The following INPP5A variants were observed in gnomAD, a reference collection of about 807,000 sequenced individuals.
INPP5A encodes 43 kDa inositol polyphosphate 5-phophatase.
A neutral mutation model predicts 65.2 loss-of-function variants in INPP5A; 14 were observed. The observed-to-expected ratio is 0.21, with a 90% CI of 0.14 to 0.34. The LOEUF (loss-of-function observed/expected upper bound fraction) is 0.34. INPP5A is among the 10% of genes least tolerant of loss of function. The pLI is 1.00. For synonymous variants in INPP5A, 207 were observed against 208.3 expected, an observed-to-expected ratio of 0.99 and a Z score of 0.05; for missense variants, 431 against 545.6, an observed-to-expected ratio of 0.79 and a Z score of 2.09.
At chr10:132,634,357 G>A (rs981468184) in intron 2 of INPP5A, among the ~76,000 whole-genome samples, 10 of 145,522 alleles carry the variant, frequency 6.9e-5, no homozygotes, top group African/African-American at 1.6e-4. Context: ...CCGGAGAGGC[G>A]TATCATCTCC....
Position 132,635,433 on chromosome 10 carries a change from T to C in INPP5A, c.118-10435T>C, listed in dbSNP as rs1394554569. ...TTTTTTGAGACGGAGTCTCGCTCTG[T>C]TGCCCAGGCTGGAGTGCAGTGGCGC... On this transcript the variant is annotated intron_variant, in intron 2 of 15. Transcript: ENST00000368594. Among the ~76,000 whole-genome samples, 13 of 124,706 alleles carry C rather than the reference T, an allele frequency of 1.0e-4. No individual in the cohort carries two copies. The Admixed American group carries it at 1.1e-3, about 10-fold the overall frequency. The allele number at this position is 124,706 out of a possible 152,430, so 81.8% of individuals were successfully genotyped here. A position where few individuals can be genotyped will look rare whatever the true frequency, so the allele number is the denominator to read the frequency against.
At chr10:132,658,699 C>G (rs2072693970) in intron 4 of INPP5A, among the ~76,000 whole-genome samples, 1 of 152,040 alleles carries the variant, frequency 6.6e-6, no homozygotes, top group African/African-American at 2.4e-5. Context: ...TGGGTGGTCT[C>G]TGGGCACGGA....
intron 6 of INPP5A, among the ~76,000 whole-genome samples, chr10:132,699,941 G>A (rs1462378684): frequency 2.6e-5 from 4 of 152,232 alleles, no homozygotes; most frequent in African/African-American, 4.8e-5. Context: ...ACCCTTTGAA[G>A]GGTGGGTGCC....
At chr10:132,653,622 C>G (rs2072610348) in intron 4 of INPP5A, among the ~76,000 whole-genome samples, 1 of 151,954 alleles carries the variant, frequency 6.6e-6, no homozygotes, top group African/African-American at 2.4e-5. Context: ...CATTCTCTTA[C>G]CAAAAAGAAT....
intron 9 of INPP5A, among the ~76,000 whole-genome samples, chr10:132,742,113 C>T (rs150391442): frequency 0.013 from 1,911 of 152,346 alleles, 20 homozygotes; most frequent in Middle Eastern, 0.037. Flanking sequence ...AGATAGAGCT[C>T]ATGCGCCATG....
intron 1 of INPP5A, among the ~76,000 whole-genome samples, chr10:132,570,172 C>G (rs955519803): frequency 2.0e-5 from 3 of 152,030 alleles, no homozygotes; most frequent in Non-Finnish European, 4.4e-5. Context: ...GTCTCAAACT[C>G]CTGACCTCAG....
intron 1 of INPP5A, among the ~76,000 whole-genome samples, chr10:132,563,916 G>A (rs1051350563): frequency 6.6e-6 from 1 of 152,124 alleles, no homozygotes; most frequent in African/African-American, 2.4e-5. Context: ...TCTGAGCCCT[G>A]AGCCCTGGCG....
intron 9 of INPP5A, among the ~76,000 whole-genome samples, chr10:132,730,833 G>A (rs1020942759): frequency 3.9e-5 from 6 of 152,150 alleles, no homozygotes; most frequent in Non-Finnish European, 5.9e-5. Flanking sequence ...AGGACATGAG[G>A]CTAACAAGCA....
At chr10:132,598,850 G>C (rs1022999727) in intron 1 of INPP5A, among the ~76,000 whole-genome samples, 1 of 152,204 alleles carries the variant, frequency 6.6e-6, no homozygotes, top group African/African-American at 2.4e-5. Flanking sequence ...TTCTTAAATG[G>C]CTGCAGCAAG....
chr10:132,746,036 G>A (rs1225589009), intron 9 of INPP5A, among the ~76,000 whole-genome samples: 4 of 152,310 alleles, frequency 2.6e-5, no homozygotes, highest in Non-Finnish European at 4.4e-5. Context: ...CCAAGCCTGG[G>A]GTAGGGCCTC....
Position 132,694,964 on chromosome 10 carries a change from A to G in INPP5A, c.371-2852A>G, listed in dbSNP as rs187283722. On this transcript the variant is annotated intron_variant, in intron 5 of 15. Transcript: ENST00000368594. ...GTGAATTCTATCAAGCATTTAAGGA[A>G]GACGTTATACCAGTTCTCTACAATC... Among the ~76,000 whole-genome samples the G allele has an allele frequency of 1.2e-3, 178 of 152,362 alleles. 1 individual carries two copies. Among genetic ancestry groups the G allele is most frequent in the Non-Finnish European group, 2.3e-3 (157 of 68,034 alleles).
chr10:132,614,264 G>A (rs1260577851), intron 2 of INPP5A, among the ~76,000 whole-genome samples: 1 of 152,144 alleles, frequency 6.6e-6, no homozygotes, highest in South Asian at 2.1e-4. Flanking sequence ...TCAGGAGTTC[G>A]AGACCAGCCT....
At chr10:132,554,901 ATGGGTGGCATGGTG>A (rs1171365503) in intron 1 of INPP5A, among the ~76,000 whole-genome samples, 1 of 83,590 alleles carries the variant, frequency 1.2e-5, no homozygotes, top group Non-Finnish European at 2.4e-5. Flanking sequence ...CATGGGTGGT[ATGGGTGGCATGGTG>A]TGGGTGGCAT....
chr10:132,680,824 C>A (rs1217349796), intron 4 of INPP5A, among the ~76,000 whole-genome samples: 11 of 152,256 alleles, frequency 7.2e-5, no homozygotes, highest in Admixed American at 7.2e-4. Context: ...TGTACTGGGT[C>A]CCCCAGCAGT....
Position 132,709,183 on chromosome 10 carries a change from C to T in INPP5A, c.527+818C>T, listed in dbSNP as rs978676186. ...GGGCTGTGGGCAGGGGTTTCTGCCC[C>T]TCCCCCTCGGGCCTCTCCCTGGGGC... On this transcript the variant is annotated intron_variant, in intron 7 of 15. Coordinates refer to ENST00000368594, the MANE Select transcript of INPP5A (RefSeq NM_005539.5). 2.7e-5 allele frequency among the ~76,000 whole-genome samples: 4 copies of T among 150,350 alleles called. No individual in the cohort carries two copies. The East Asian group carries it at 7.9e-4, about 30-fold the overall frequency.
In INPP5A at chr10:132,775,257, C is replaced by T. The variant is rs371528330; in HGVS notation, c.978-2414C>T. Among the ~76,000 whole-genome samples, 288 of 150,826 alleles carry T rather than the reference C, an allele frequency of 1.9e-3. 3 individuals are homozygous for T. In the Middle Eastern group the frequency reaches 0.024, roughly 13 times the overall value. ...GGGGCAGTGCCTGCAGAGGCTAGCACAGGAGTACGATTGTTCGCCCTATCA... is the reference window on the plus strand; with the variant it reads ...GGGGCAGTGCCTGCAGAGGCTAGCATAGGAGTACGATTGTTCGCCCTATCA... On this transcript the variant is annotated intron_variant, in intron 12 of 15. Transcript: ENST00000368594.
chr10:132,646,700 C>T (rs1226931304), intron 3 of INPP5A, among the ~76,000 whole-genome samples: 26 of 152,252 alleles, frequency 1.7e-4, no homozygotes, highest in Non-Finnish European at 4.4e-5. Context: ...CTGGCTTCTT[C>T]ACAGCATGAG....
At chr10:132,744,188 T>G (rs910849745) in intron 9 of INPP5A, among the ~76,000 whole-genome samples, 17 of 152,246 alleles carry the variant, frequency 1.1e-4, no homozygotes, top group Admixed American at 5.9e-4. Context: ...CTCATTTTGT[T>G]GCTTTCTGCT....
At chr10:132,645,813 G>A (rs1259796697) in intron 2 of INPP5A, 55 bp from the exon 3 acceptor site, 16 of 1,377,114 alleles carry the variant, frequency 1.2e-5, no homozygotes, top group East Asian at 2.4e-5. Flanking sequence ...GTGGTGCCAC[G>A]TGTGGCTCTG....
Sources: allele counts gnomAD v4.1 joint callset (sites outside exome capture counted in the v4.1 genomes callset), GRCh38; gene constraint gnomAD v4.1.1; transcripts MANE v1.5; gene names NCBI Gene and HGNC (gene_info 2026-07-23, HGNC 2026-07-21).